RSPH6A: variants seen among roughly 807,000 people sequenced by gnomAD.
RSPH6A encodes the protein radial spoke head 6 homolog A.
A neutral mutation model predicts 66.1 loss-of-function variants in RSPH6A; 49 were observed. That is an observed-to-expected ratio of 0.74 (90% CI 0.59 to 0.94). The LOEUF (loss-of-function observed/expected upper bound fraction) is 0.94. Ranked by LOEUF, RSPH6A falls within the 40% of genes least tolerant of loss-of-function variation. The pLI is 0.00. For missense variants in RSPH6A, 977 were observed against 948.3 expected, an observed-to-expected ratio of 1.03 and a Z score of -0.40; for synonymous variants, 419 against 402.4, an observed-to-expected ratio of 1.04 and a Z score of -0.49.
rs767603937 is a variant in RSPH6A, at chr19:45,804,200, C to T, written c.1653+52G>A. 3.3e-5 allele frequency: 48 copies of T among 1,446,824 alleles called. No homozygotes were observed. The highest frequency in any genetic ancestry group is 4.2e-5 in the Non-Finnish European group (44 of 1,053,436). 89.6% of individuals were successfully genotyped at this position (1,446,824 alleles called of 1,614,324 possible). ...TTGATGTCAGTATTGCAGGGTCATGCGTGAGCCCCCTGCTCCTGCCGTTTG... is the reference window on the plus strand; with the variant it reads ...TTGATGTCAGTATTGCAGGGTCATGTGTGAGCCCCCTGCTCCTGCCGTTTG... On this transcript the variant is annotated intron_variant, in intron 3 of 5. Coordinates refer to ENST00000221538, the MANE Select transcript of RSPH6A (RefSeq NM_030785.4). This position sits in a 1 kb window ranked among gnomAD's most constrained non-coding sequence, Gnocchi z 5.8.
Position 45,804,128 on chromosome 19 carries a change from G to A in RSPH6A, c.1653+124C>T. 1.3e-6 allele frequency: 1 copy of A among 741,484 alleles called. No individual in the cohort carries two copies. The highest frequency in any genetic ancestry group is 2.1e-6 in the Non-Finnish European group (1 of 465,650). 45.9% of individuals were successfully genotyped at this position (741,484 alleles called of 1,614,324 possible). Reference sequence around the variant, plus strand: ...ATATCTGTTGAACCAATGAATGGATGGATGAATGAACGAATGAATATTAGT... The same window carrying A: ...ATATCTGTTGAACCAATGAATGGATAGATGAATGAACGAATGAATATTAGT... On this transcript the variant is annotated intron_variant, in intron 3 of 5. Coordinates refer to ENST00000221538, the MANE Select transcript of RSPH6A (RefSeq NM_030785.4). The surrounding 1 kb of genome is among the most constrained non-coding windows in gnomAD (Gnocchi z 5.8).
intron 4 of RSPH6A, among the ~76,000 whole-genome samples, chr19:45,801,024 C>T (rs1970467734): frequency 6.6e-6 from 1 of 152,160 alleles, no homozygotes; most frequent in African/African-American, 2.4e-5. Flanking sequence ...TCTCGAACTC[C>T]TGACCTCAGG....
Position 45,804,101 on chromosome 19 carries a change from T to C in RSPH6A, c.1653+151A>G. On this transcript the variant is annotated intron_variant, in intron 3 of 5. Transcript: ENST00000221538. This position sits in a 1 kb window ranked among gnomAD's most constrained non-coding sequence, Gnocchi z 5.8. ...AAAGGTTTCTGATGGGATTATCCGC[T>C]AATATCTGTTGAACCAATGAATGGA... The C allele has an allele frequency of 1.6e-6, 1 of 617,030 alleles. No homozygotes were observed. 38.2% of individuals were successfully genotyped at this position (617,030 alleles called of 1,614,324 possible).
chr19:45,798,222 G>A (rs973790842), intron 5 of RSPH6A, among the ~76,000 whole-genome samples: 1 of 151,984 alleles, frequency 6.6e-6, no homozygotes, highest in African/African-American at 2.4e-5. Flanking sequence ...AGCTGGGCAC[G>A]GTAGTGCATG....
intron 5 of RSPH6A, among the ~76,000 whole-genome samples, chr19:45,796,581 G>A (rs936515805): frequency 6.7e-6 from 1 of 150,354 alleles, no homozygotes; most frequent in Admixed American, 6.6e-5. Context: ...TCCACCTCCT[G>A]GGTTCACTGC....
rs754522472 is a variant in RSPH6A, at chr19:45,805,035, AG to A, written c.889-20del. On this transcript the variant is annotated intron_variant, in intron 2 of 5. Coordinates refer to ENST00000221538, the MANE Select transcript of RSPH6A (RefSeq NM_030785.4). Reference sequence around the variant, plus strand: ...TCTCCCCCTGCGCAGGGTAGGGTGGAGGGCAGAGGGGAGAATGCTGAAGCTC... The same window carrying A: ...TCTCCCCCTGCGCAGGGTAGGGTGGAGGCAGAGGGGAGAATGCTGAAGCTC... 4 of 1,583,736 alleles carry A rather than the reference AG, an allele frequency of 2.5e-6. No individual in the cohort carries two copies. The highest frequency in any genetic ancestry group is 3.4e-6 in the Non-Finnish European group (4 of 1,165,024).
At chr19:45,800,730 CCACACACACACACACACACACACA>C (rs3045732) in intron 4 of RSPH6A, among the ~76,000 whole-genome samples, 167 bp from the exon 5 acceptor site, 1 of 113,332 alleles carries the variant, frequency 8.8e-6, no homozygotes. Flanking sequence ...TCGCTGCAGA[CCACACACACACACACACACACACA>C]CACACACACA....
At chr19:45,802,413 G>C (rs1259877096) in intron 3 of RSPH6A, 149 bp from the exon 4 acceptor site, 2 of 549,836 alleles carry the variant, frequency 3.6e-6, no homozygotes, top group East Asian at 3.5e-5. Flanking sequence ...ACAGCTAAGG[G>C]GAGGTGGGAA....
At chr19:45,800,342 G>A (rs929096869) in intron 5 of RSPH6A, 104 bp downstream of exon 5, 7 of 963,082 alleles carry the variant, frequency 7.3e-6, no homozygotes, top group African/African-American at 3.3e-5. Flanking sequence ...TTCCTGAAGG[G>A]GGCCCTCCCC....
At chr19:45,811,292 G>A (rs948452865) in intron 1 of RSPH6A, among the ~76,000 whole-genome samples, 4 of 150,110 alleles carry the variant, frequency 2.7e-5, no homozygotes, top group Middle Eastern at 3.5e-3. Flanking sequence ...GCGCCTTGCC[G>A]ACATTCTTAT....
At chr19:45,805,095 G>T in intron 2 of RSPH6A, 79 bp from the exon 3 acceptor site, 1 of 1,275,950 alleles carries the variant, frequency 7.8e-7, no homozygotes. Flanking sequence ...GACTCTTCTA[G>T]AGTCAAGAGA....
At chr19:45,803,693 G>GAAAAAA (rs372215678) in intron 3 of RSPH6A, among the ~76,000 whole-genome samples, 7 of 136,038 alleles carry the variant, frequency 5.1e-5, no homozygotes, top group Non-Finnish European at 4.8e-5. Context: ...GAAAAGAAAA[G>GAAAAAA]AAAAAAAAAA....
At chr19:45,809,777 G>A (rs1970597993) in intron 2 of RSPH6A, among the ~76,000 whole-genome samples, 1 of 152,226 alleles carries the variant, frequency 6.6e-6, no homozygotes, top group African/African-American at 2.4e-5. Context: ...GGAGCAGATG[G>A]TGCAGGTGGC....
intron 5 of RSPH6A, among the ~76,000 whole-genome samples, chr19:45,799,239 T>G (rs1970441057): frequency 6.6e-6 from 1 of 151,394 alleles, no homozygotes; most frequent in Admixed American, 6.6e-5. Flanking sequence ...TGCGCCCACC[T>G]CCAGCGGCAA....
chr19:45,802,146 A>G lies in RSPH6A; in HGVS notation c.1772T>C (p.Leu591Pro). The change falls in exon 4 of 6, where the codon CTG (leucine) becomes CCG (proline). Residue 591 changes from leucine to proline, a missense_variant. Physicochemically the swap from Leu to Pro is moderately conservative, Grantham distance 98 (BLOSUM62 -3). Transcript: ENST00000221538. ...EEVEQEVGPP[L>P]LTPLSEDAEI... ...TGCATCTTCTGAAAGTGGCGTTAGC[A>G]GTGGGGGGCCAACCTCCTGCTCCAC... The G allele has an allele frequency of 6.4e-7, 1 of 1,551,150 alleles. No homozygotes were observed. Among genetic ancestry groups the G allele is most frequent in the East Asian group, 2.5e-5 (1 of 40,512 alleles).
intron 5 of RSPH6A, among the ~76,000 whole-genome samples, chr19:45,798,236 G>A (rs1464011283): frequency 6.6e-6 from 1 of 152,058 alleles, no homozygotes; most frequent in Non-Finnish European, 1.5e-5. Context: ...GTGCATGCCT[G>A]TAATCCCAGC....
At chr19:45,809,033 G>A (rs1338615160) in intron 2 of RSPH6A, among the ~76,000 whole-genome samples, 1 of 118,622 alleles carries the variant, frequency 8.4e-6, no homozygotes, top group East Asian at 2.4e-4. Context: ...ACGGAGTCTC[G>A]CTCTTTTGCC....
At chr19:45,797,325 G>A (rs1256213007) in intron 5 of RSPH6A, among the ~76,000 whole-genome samples, 1 of 140,784 alleles carries the variant, frequency 7.1e-6, no homozygotes, top group African/African-American at 2.7e-5. Flanking sequence ...AGCTTGCAGT[G>A]AGCCAAGATC....
At chr19:45,803,993 C>CAAAAA (rs55863032) in intron 3 of RSPH6A, among the ~76,000 whole-genome samples, 5 of 103,360 alleles carry the variant, frequency 4.8e-5, no homozygotes, top group African/African-American at 7.2e-5. Context: ...GACTCTGTCT[C>CAAAAA]AAAAAAAAAA....
Sources: allele counts gnomAD v4.1 joint callset (sites outside exome capture counted in the v4.1 genomes callset), GRCh38; gene constraint gnomAD v4.1.1; non-coding constraint Gnocchi (gnomAD v3.1); transcripts MANE v1.5; gene names NCBI Gene and HGNC (gene_info 2026-07-23, HGNC 2026-07-21).